Variants in TENM3 observed in about 807,000 individuals in gnomAD.
The protein encoded by TENM3 is teneurin-3.
Under a neutral mutation model 255.1 loss-of-function variants are expected in TENM3, and 63 were observed. That is an observed-to-expected ratio of 0.25 (90% CI 0.20 to 0.30). TENM3 has a LOEUF of 0.30. TENM3 is among the 10% of genes least tolerant of loss of function. TENM3 has a pLI of 1.00. For missense variants in TENM3, 2,929 were observed against 3,461.1 expected (o/e 0.85, Z 3.86); for synonymous variants, 1,306 against 1,322.3 (o/e 0.99, Z 0.27).
chr4:181,882,378 A>G, the TENM3 span, among the ~76,000 whole-genome samples: 6 of 152,200 alleles, frequency 3.9e-5, no homozygotes, highest in Non-Finnish European at 5.9e-5. Flanking sequence ...AAATGAAAGG[A>G]GTGAGCCTTT....
chr4:182,265,652 A>G lies in TENM3; in HGVS notation c.-76+22176A>G, dbSNP rs940904514. On this transcript the variant is annotated intron_variant, in intron 1 of 27. Coordinates refer to ENST00000511685, the MANE Select transcript of TENM3 (RefSeq NM_001080477.4). ...CCACCCTGAAGCCAGTCATCCAACTAAAAAATTTAAAAACTGGCAAATAAA... is the reference window on the plus strand; with the variant it reads ...CCACCCTGAAGCCAGTCATCCAACTGAAAAATTTAAAAACTGGCAAATAAA... Among the ~76,000 whole-genome samples, 30 of 152,184 alleles carry G rather than the reference A, an allele frequency of 2.0e-4. 1 individual carries two copies. The highest frequency in any genetic ancestry group is 9.8e-4 in the Admixed American group (15 of 15,278).
chr4:182,016,072 G>A, the TENM3 span, among the ~76,000 whole-genome samples: 1 of 152,130 alleles, frequency 6.6e-6, no homozygotes, highest in African/African-American at 2.4e-5. Context: ...AGCGGTTAAA[G>A]ATTTGTCTCT....
the TENM3 span, among the ~76,000 whole-genome samples, chr4:182,035,708 C>T: frequency 6.6e-6 from 1 of 152,292 alleles, no homozygotes; most frequent in South Asian, 2.1e-4. Context: ...ATAGTTCCCA[C>T]TAAGCTTTCC....
chr4:182,660,220 T>C (rs1436981307), intron 6 of TENM3, among the ~76,000 whole-genome samples: 1 of 152,224 alleles, frequency 6.6e-6, no homozygotes, highest in Non-Finnish European at 1.5e-5. Flanking sequence ...TACCAAGCTC[T>C]TGGCACAGTT....
chr4:182,517,964 G>A (rs576172455), intron 3 of TENM3, among the ~76,000 whole-genome samples: 1 of 152,190 alleles, frequency 6.6e-6, no homozygotes, highest in South Asian at 2.1e-4. Flanking sequence ...TGTCCAAACA[G>A]TGCTGCCTCT....
At chr4:181,842,838 T>G in the TENM3 span, among the ~76,000 whole-genome samples, 1 of 152,228 alleles carries the variant, frequency 6.6e-6, no homozygotes, top group African/African-American at 2.4e-5. Context: ...TACATTTGCA[T>G]CTTTCCTAAT....
chr4:182,310,067 A>G (rs1762355061), intron 1 of TENM3, among the ~76,000 whole-genome samples: 1 of 152,230 alleles, frequency 6.6e-6, no homozygotes, highest in African/African-American at 2.4e-5. Context: ...CATCATTTGT[A>G]AATAGTGGAG....
At chr4:182,292,580 C>T (rs1275227773) in intron 1 of TENM3, among the ~76,000 whole-genome samples, 2 of 152,164 alleles carry the variant, frequency 1.3e-5, no homozygotes, top group African/African-American at 4.8e-5. Context: ...TGTCACAGTT[C>T]CTTTGAGATC....
chr4:182,071,982 C>T, the TENM3 span, among the ~76,000 whole-genome samples: 1 of 152,172 alleles, frequency 6.6e-6, no homozygotes, highest in South Asian at 2.1e-4. Context: ...ACCTTTGAGC[C>T]TATGCCAACA....
the TENM3 span, among the ~76,000 whole-genome samples, chr4:181,891,518 A>G: frequency 6.6e-6 from 1 of 151,546 alleles, no homozygotes; most frequent in African/African-American, 2.4e-5. Flanking sequence ...CTCTTTCTTT[A>G]TCTCCTTTCT....
At chr4:182,033,696 C>G in the TENM3 span, among the ~76,000 whole-genome samples, 3 of 152,014 alleles carry the variant, frequency 2.0e-5, no homozygotes, top group Non-Finnish European at 4.4e-5. Context: ...CTCTAAGAAC[C>G]TGTTTTATGA....
chr4:181,447,693 C>T, the TENM3 span, among the ~76,000 whole-genome samples: 3 of 152,128 alleles, frequency 2.0e-5, no homozygotes, highest in Admixed American at 1.3e-4. Context: ...GCCAGAAGGC[C>T]TAGGCACAAC....
At chr4:182,326,106 C>T (rs1580166920) in intron 2 of TENM3, among the ~76,000 whole-genome samples, 1 of 152,296 alleles carries the variant, frequency 6.6e-6, no homozygotes, top group South Asian at 2.1e-4. Flanking sequence ...GGGCGCCAGG[C>T]GGCCAGGGAG....
intron 1 of TENM3, among the ~76,000 whole-genome samples, chr4:182,295,807 A>T (rs903369682): frequency 2.0e-5 from 3 of 152,178 alleles, no homozygotes; most frequent in Non-Finnish European, 4.4e-5. Context: ...ACATCTGGAT[A>T]ACGCATTCAC....
the TENM3 span, chr4:182,012,631 C>A: frequency 6.6e-6 from 1 of 152,112 alleles, no homozygotes; most frequent in African/African-American, 2.4e-5. Flanking sequence ...CTTTTTGGAT[C>A]ATTTTAAAGT....
At chr4:182,435,597 TTGCC>T (rs753812798) in intron 3 of TENM3, among the ~76,000 whole-genome samples, 4 of 152,206 alleles carry the variant, frequency 2.6e-5, no homozygotes, top group African/African-American at 9.6e-5. Flanking sequence ...AGGCAACTGC[TTGCC>T]TGCCTGCCTG....
At chr4:181,859,257 A>C in the TENM3 span, among the ~76,000 whole-genome samples, 1 of 150,904 alleles carries the variant, frequency 6.6e-6, no homozygotes, top group Admixed American at 6.6e-5. Flanking sequence ...AAAAAAAAAA[A>C]AAAAAAAAAT....
chr4:181,652,937 A>G, the TENM3 span, among the ~76,000 whole-genome samples: 2 of 152,180 alleles, frequency 1.3e-5, no homozygotes, highest in Non-Finnish European at 2.9e-5. Flanking sequence ...CTTTTGTGAA[A>G]TTTTTTTAAA....
At chr4:182,095,241 T>C in the TENM3 span, among the ~76,000 whole-genome samples, 2 of 152,172 alleles carry the variant, frequency 1.3e-5, no homozygotes, top group Non-Finnish European at 2.9e-5. Context: ...TTTAATGCAG[T>C]ACAATTCACA....
Sources: gnomAD v4.1 joint callset for allele counts (sites outside exome capture counted in the v4.1 genomes callset) on GRCh38, gnomAD v4.1.1 for gene constraint, MANE v1.5 for transcripts, NCBI Gene and HGNC (gene_info 2026-07-23, HGNC 2026-07-21) for gene names.